The following FAP variants were observed in gnomAD, a reference collection of about 807,000 sequenced individuals.
FAP encodes the protein fibroblast activation protein alpha, also known as prolyl endopeptidase FAP.
FAP carries 110 observed loss-of-function variants against 126.5 expected under a neutral mutation model. The ratio of observed to expected loss-of-function variants is 0.87; its 90% CI spans 0.74 to 1.02. The LOEUF (loss-of-function observed/expected upper bound fraction) is 1.02. Ranked by LOEUF, FAP falls within the 50% of genes least tolerant of loss-of-function variation. The pLI, the probability that FAP is intolerant of heterozygous loss-of-function variation, is 0.00. For missense variants in FAP, 919 were observed against 909.2 expected, an observed-to-expected ratio of 1.01 and a Z score of -0.14; for synonymous variants, 334 against 297.3, an observed-to-expected ratio of 1.12 and a Z score of -1.27.
rs140355393 is a variant in FAP, at chr2:162,194,683, A to G, written c.1450+18T>C. On this transcript the variant is annotated intron_variant, in intron 17 of 25. Coordinates refer to ENST00000188790, the MANE Select transcript of FAP (RefSeq NM_004460.5). ...AGGATTACTTGAGACAAGATAGATA[A>G]CATGCAAGAGAGAGTACCTTGATCA... 6.5e-4 allele frequency: 1,046 copies of G among 1,611,616 alleles called. 5 individuals carry two copies. In the African/African-American group the frequency reaches 0.013, roughly 19 times the overall value.
intron 16 of FAP, chr2:162,197,737 G>T (rs1298106222): frequency 2.3e-6 from 1 of 437,054 alleles, no homozygotes; most frequent in Non-Finnish European, 4.6e-6. Flanking sequence ...CAGGGCCTCT[G>T]CAACTGAATA....
intron 2 of FAP, among the ~76,000 whole-genome samples, chr2:162,228,746 G>A (rs1256871908): frequency 3.9e-5 from 6 of 152,072 alleles, no homozygotes; most frequent in East Asian, 1.9e-4. Flanking sequence ...CATTGATTTT[G>A]TAATTCTCAT....
chr2:162,178,677 T>C (rs1414916362), intron 21 of FAP, among the ~76,000 whole-genome samples: 2 of 152,230 alleles, frequency 1.3e-5, no homozygotes, highest in Non-Finnish European at 2.9e-5. Context: ...GATAAAAGGG[T>C]TTATTCCCCA....
intron 2 of FAP, among the ~76,000 whole-genome samples, chr2:162,238,040 G>C (rs1402291956): frequency 6.6e-6 from 1 of 150,580 alleles, no homozygotes; most frequent in African/African-American, 2.4e-5. Flanking sequence ...CTTTTTGATG[G>C]GATTGTTTTT....
intron 12 of FAP, among the ~76,000 whole-genome samples, chr2:162,209,170 G>T (rs1012157793): frequency 1.3e-5 from 2 of 151,938 alleles, no homozygotes; most frequent in Non-Finnish European, 2.9e-5. Flanking sequence ...GTTAAACCAG[G>T]TCCTAAGAGT....
rs762436874 is a variant in FAP at position 162,225,544 on chromosome 2, T to C, written c.224A>G (p.Asn75Ser). 2 of 1,600,002 alleles carry C rather than the reference T, an allele frequency of 1.3e-6. No individual in the cohort carries two copies. Residue 75 changes from asparagine to serine, a missense_variant, in exon 4 of 26, where the codon AAT becomes AGT. Coordinates refer to ENST00000188790, the MANE Select transcript of FAP (RefSeq NM_004460.5). Reference protein sequence around the residue: ...QEYLHQSADNNIVLYNIETGQ... With the variant: ...QEYLHQSADNSIVLYNIETGQ... ...TGTTTCAATATTATAAAGTACTATA[T>C]TGTTATCTGCAGATTGATGAAGATA...
In FAP at chr2:162,243,378, C is replaced by T. The variant is rs375086402; in HGVS notation, c.-51G>A. ...CTAATTCTGTCTTCAGAGCGTGGGT[C>T]ACTGGATCTGTGAAAACCGTTGAAA... On this transcript the variant is annotated 5_prime_UTR_variant, in exon 1 of 26. Transcript: ENST00000188790. 2 of 1,598,108 alleles carry T rather than the reference C, an allele frequency of 1.3e-6. No individual in the cohort carries two copies. The highest frequency in any genetic ancestry group is 1.7e-6 in the Non-Finnish European group (2 of 1,174,196).
At chr2:162,204,062 A>G (rs570865258) in intron 12 of FAP, among the ~76,000 whole-genome samples, 26 of 152,174 alleles carry the variant, frequency 1.7e-4, no homozygotes, top group Non-Finnish European at 3.1e-4. Flanking sequence ...TGCAGAGCAG[A>G]TTTAAAGCCA....
At chr2:162,207,161 T>C (rs1309977523) in intron 12 of FAP, among the ~76,000 whole-genome samples, 1 of 152,346 alleles carries the variant, frequency 6.6e-6, no homozygotes, top group African/African-American at 2.4e-5. Flanking sequence ...CAAAGGAAGC[T>C]ATTAAATATA....
chr2:162,189,717 A>G lies in FAP; in HGVS notation c.1488T>C (p.Asn496=), dbSNP rs1280202571. The part of the protein sequence containing the change: ...KILEENKELE[N]ALKNIQLPKE... Reference sequence around the variant, plus strand: ...TAGGCAGCTGGATATTTTTCAAAGCATTTTCCAATTCCTTGTTTTCTTCCA... The same window carrying G: ...TAGGCAGCTGGATATTTTTCAAAGCGTTTTCCAATTCCTTGTTTTCTTCCA... The change falls in exon 18 of 26, where the codon AAT becomes AAC. Residue 496 remains asparagine (N), a synonymous_variant. Coordinates refer to ENST00000188790, the MANE Select transcript of FAP (RefSeq NM_004460.5). 1.3e-6 allele frequency: 2 copies of G among 1,591,582 alleles called. No homozygotes were observed. Among genetic ancestry groups the G allele is most frequent in the African/African-American group, 2.7e-5 (2 of 74,024 alleles).
At position 162,215,947 on chromosome 2, in the gene FAP, C is replaced by G; in HGVS notation, c.817G>C (p.Ala273Pro). The G allele has an allele frequency of 3.7e-6, 6 of 1,614,068 alleles. No homozygotes were observed. The highest frequency in any genetic ancestry group is 4.2e-6 in the Non-Finnish European group (5 of 1,179,982). The change falls in exon 10 of 26, where the codon GCG becomes CCG. Residue 273 changes from alanine (A) to proline (P), a missense_variant. Coordinates refer to ENST00000188790, the MANE Select transcript of FAP (RefSeq NM_004460.5). ...RIFIIDTTYP[A>P]YVGPQEVPVP... ...GGCACTTCCTGGGGACCTACATACG[C>G]AGGGTAAGTGGTATCGATAATAAAT...
intron 14 of FAP, 43 bp from the exon 15 acceptor site, chr2:162,200,662 G>A (rs1378736111): frequency 2.2e-6 from 2 of 893,766 alleles, no homozygotes; most frequent in African/African-American, 3.5e-5. Flanking sequence ...ATAAATAAGT[G>A]ATAATAGGAT....
At chr2:162,226,353 G>A (rs1055174058) in intron 3 of FAP, among the ~76,000 whole-genome samples, 170 bp downstream of exon 3, 1 of 152,064 alleles carries the variant, frequency 6.6e-6, no homozygotes, top group African/African-American at 2.4e-5. Flanking sequence ...AATCCAGTAT[G>A]AATGGTTTTG....
intron 21 of FAP, chr2:162,175,196 A>G: frequency 3.2e-6 from 1 of 308,160 alleles, no homozygotes; most frequent in Admixed American, 4.8e-5. Context: ...TGATCAGAAC[A>G]GACCCTCTTA....
In FAP at chr2:162,215,935, G is replaced by C. The variant is rs1301875238; in HGVS notation, c.829C>G (p.Pro277Ala). The change falls in exon 10 of 26, where the codon CCC becomes GCC. Residue 277 changes from proline to alanine, a missense_variant. Coordinates refer to ENST00000188790, the MANE Select transcript of FAP (RefSeq NM_004460.5). ...ATTGCTGGAACAGGCACTTCCTGGG[G>C]ACCTACATACGCAGGGTAAGTGGTA... The part of the protein sequence containing the change: ...IDTTYPAYVG[P>A]QEVPVPAMIA... 1 of 1,613,888 alleles carries C rather than the reference G, an allele frequency of 6.2e-7. No individual in the cohort carries two copies. The highest frequency in any genetic ancestry group is 8.5e-7 in the Non-Finnish European group (1 of 1,179,908).
intron 12 of FAP, among the ~76,000 whole-genome samples, chr2:162,209,007 A>G (rs1688819568): frequency 6.6e-6 from 1 of 152,126 alleles, no homozygotes; most frequent in Non-Finnish European, 1.5e-5. Context: ...AACTGGATCC[A>G]GAAAAGTGTA....
chr2:162,220,996 C>T (rs1265644867), intron 6 of FAP, among the ~76,000 whole-genome samples: 1 of 152,170 alleles, frequency 6.6e-6, no homozygotes, highest in Non-Finnish European at 1.5e-5. Flanking sequence ...CTGCCTTTCC[C>T]ATTCTTTTAA....
chr2:162,213,429 A>C (rs1316091340), intron 11 of FAP, among the ~76,000 whole-genome samples: 1 of 151,990 alleles, frequency 6.6e-6, no homozygotes, highest in Admixed American at 6.6e-5. Context: ...ACAAACAAAA[A>C]AAAAAACAGA....
intron 2 of FAP, among the ~76,000 whole-genome samples, chr2:162,239,954 T>C (rs1690282714): frequency 1.3e-5 from 2 of 152,228 alleles, no homozygotes; most frequent in Non-Finnish European, 2.9e-5. Flanking sequence ...TAACCTCTGT[T>C]AAATCTCTTG....
Sources: gnomAD v4.1 joint callset for allele counts (sites outside exome capture counted in the v4.1 genomes callset) on GRCh38, gnomAD v4.1.1 for gene constraint, MANE v1.5 for transcripts, NCBI Gene and HGNC (gene_info 2026-07-23, HGNC 2026-07-21) for gene names.